Variants in CACUL1 observed in about 807,000 individuals in gnomAD.
CACUL1 encodes CDK2-associated and cullin domain-containing protein 1.
A neutral mutation model predicts 45.2 loss-of-function variants in CACUL1; 13 were observed. That is an observed-to-expected ratio of 0.29 (90% CI 0.19 to 0.46). The LOEUF (loss-of-function observed/expected upper bound fraction) is 0.46. CACUL1 is among the 20% of genes least tolerant of loss of function. The pLI, the probability that CACUL1 is intolerant of heterozygous loss-of-function variation, is 1.00. For missense variants in CACUL1, 421 were observed against 471.4 expected, an observed-to-expected ratio of 0.89 and a Z score of 0.99; for synonymous variants, 197 against 174.2, an observed-to-expected ratio of 1.13 and a Z score of -1.03.
chr10:118,712,905 AG>A (rs1158884425), intron 3 of CACUL1, among the ~76,000 whole-genome samples: 1 of 152,234 alleles, frequency 6.6e-6, no homozygotes, highest in Non-Finnish European at 1.5e-5. Flanking sequence ...TCCAGTCTGT[AG>A]GACTGGCAGC....
chr10:118,734,137 C>T (rs1434092950), intron 1 of CACUL1, among the ~76,000 whole-genome samples: 1 of 152,198 alleles, frequency 6.6e-6, no homozygotes, highest in Non-Finnish European at 1.5e-5. Flanking sequence ...AGGAGATCTG[C>T]AAGGCTGCCT....
At chr10:118,722,080 C>CTTTTTTTTTTTTT (rs11358147) in intron 3 of CACUL1, among the ~76,000 whole-genome samples, 4 of 140,518 alleles carry the variant, frequency 2.8e-5, no homozygotes, top group Non-Finnish European at 4.6e-5. Flanking sequence ...CAGAAACAAA[C>CTTTTTTTTTTTTT]TTTTTTTTTT....
Position 118,754,591 on chromosome 10 carries a change from G to C in CACUL1, c.172C>G (p.Leu58Val). Residue 58 changes from leucine (L) to valine (V), a missense_variant, in exon 1 of 9, where the codon CTG (leucine) becomes GTG (valine). Transcript: ENST00000369151. ...PAREPPGGQL[L>V]AVPAVSVDRK... is the part of the protein sequence containing the mutation. The stretch of plus-strand genomic sequence containing the variant: ...TCCACGGAGACCGCGGGCACCGCCA[G>C]CAGCTGCCCCCCCGGAGGCTCTCGG... 1 of 1,609,180 alleles carries C rather than the reference G, an allele frequency of 6.2e-7. No homozygotes were observed. The highest frequency in any genetic ancestry group is 8.5e-7 in the Non-Finnish European group (1 of 1,177,996).
At chr10:118,707,954 C>T (rs1485308617) in intron 3 of CACUL1, among the ~76,000 whole-genome samples, 1 of 151,960 alleles carries the variant, frequency 6.6e-6, no homozygotes. Flanking sequence ...TCAAGACCAG[C>T]CTGGTCAACA....
Position 118,707,488 on chromosome 10 carries a change from T to G in CACUL1, c.693+4A>C. The stretch of plus-strand genomic sequence containing the variant: ...TTGGGAAGGAGGAAGGAGCTCTTAC[T>G]TACCATATATATGAAAAGAGGCACA... On this transcript the variant is annotated splice_donor_region_variant and intron_variant, in intron 4 of 8. Coordinates refer to ENST00000369151, the MANE Select transcript of CACUL1 (RefSeq NM_153810.5). 1.4e-6 allele frequency: 2 copies of G among 1,393,422 alleles called. No homozygotes were observed. The highest frequency in any genetic ancestry group is 2.3e-5 in the South Asian group (2 of 86,270). The allele number at this position is 1,393,422 out of a possible 1,614,324, so 86.3% of individuals were successfully genotyped here.
In CACUL1 at chr10:118,747,590, A is replaced by C. The variant is rs192612062; in HGVS notation, c.367+6806T>G. ...ATATCCAAAAAAAAAAAAAACTACT[A>C]CTCCTCAGTCAGAAAAATGAATAAG... On this transcript the variant is annotated intron_variant, in intron 1 of 8. Transcript: ENST00000369151. Among the ~76,000 whole-genome samples the C allele has an allele frequency of 1.5e-3, 223 of 150,956 alleles. 1 individual carries two copies. The highest frequency in any genetic ancestry group is 3.0e-3 in the Admixed American group (46 of 15,136).
Position 118,754,931 on chromosome 10 carries a change from T to C in CACUL1, c.-169A>G. Reference sequence around the variant, plus strand: ...CTCGCTCTCCGCGGGGCCGACTAGCTTGAAGACGCGGCTGACGGCGGTGGG... The same window carrying C: ...CTCGCTCTCCGCGGGGCCGACTAGCCTGAAGACGCGGCTGACGGCGGTGGG... On this transcript the variant is annotated 5_prime_UTR_variant, in exon 1 of 9. Coordinates refer to ENST00000369151, the MANE Select transcript of CACUL1 (RefSeq NM_153810.5). The C allele has an allele frequency of 1.1e-6, 1 of 912,404 alleles. No homozygotes were observed. 56.5% of individuals were successfully genotyped at this position (912,404 alleles called of 1,614,324 possible). A position where few individuals can be genotyped will look rare whatever the true frequency, so the allele number is the denominator to read the frequency against.
At chr10:118,747,793 A>G (rs893198344) in intron 1 of CACUL1, among the ~76,000 whole-genome samples, 1 of 152,130 alleles carries the variant, frequency 6.6e-6, no homozygotes, top group African/African-American at 2.4e-5. Context: ...CTGCAAAGAG[A>G]CACAGGGAAG....
intron 3 of CACUL1, among the ~76,000 whole-genome samples, chr10:118,726,811 G>T (rs959102260): frequency 2.0e-5 from 3 of 151,938 alleles, no homozygotes; most frequent in African/African-American, 7.3e-5. Flanking sequence ...TCATTTTAAT[G>T]TCAAGAAAAT....
At chr10:118,691,593 T>G (rs1206354445) in intron 6 of CACUL1, 190 bp from the exon 7 acceptor site, 2 of 515,276 alleles carry the variant, frequency 3.9e-6, no homozygotes, top group African/African-American at 3.9e-5. Flanking sequence ...ACAGGCCGGG[T>G]GCGGCGGCTC....
At chr10:118,726,962 A>G (rs1405295058) in intron 3 of CACUL1, among the ~76,000 whole-genome samples, 2 of 152,234 alleles carry the variant, frequency 1.3e-5, no homozygotes, top group African/African-American at 4.8e-5. Flanking sequence ...AATCGTTATA[A>G]TCTTATAAAA....
intron 4 of CACUL1, among the ~76,000 whole-genome samples, chr10:118,702,323 G>A (rs569744621): frequency 1.9e-4 from 29 of 152,250 alleles, no homozygotes; most frequent in African/African-American, 6.0e-4. Flanking sequence ...AAGCCTGTTG[G>A]TGGTCTCTTC....
At chr10:118,698,438 C>T (rs1845345116) in intron 5 of CACUL1, among the ~76,000 whole-genome samples, 2 of 152,184 alleles carry the variant, frequency 1.3e-5, no homozygotes, top group African/African-American at 2.4e-5. Context: ...GCCATCGCGC[C>T]CAGCCGACAT....
chr10:118,750,374 G>T (rs917943002), intron 1 of CACUL1, among the ~76,000 whole-genome samples: 3 of 152,056 alleles, frequency 2.0e-5, no homozygotes, highest in African/African-American at 7.2e-5. Flanking sequence ...TCATGGGTCT[G>T]TTTGGCCAGA....
chr10:118,738,407 C>T (rs550794660), intron 1 of CACUL1, among the ~76,000 whole-genome samples: 91 of 152,284 alleles, frequency 6.0e-4, no homozygotes, highest in African/African-American at 2.1e-3. Context: ...GCTCAAACAT[C>T]TAGACCCACT....
chr10:118,706,426 G>A (rs770675606), intron 4 of CACUL1, among the ~76,000 whole-genome samples: 1 of 152,172 alleles, frequency 6.6e-6, no homozygotes, highest in Admixed American at 6.5e-5. Flanking sequence ...AGGACATTTA[G>A]TTAACACACT....
rs572173441 is a variant in CACUL1 at position 118,685,944 on chromosome 10, G to GT, written c.*183dup. 24,680 of 322,494 alleles carry GT rather than the reference G, an allele frequency of 0.077. 5 individuals are homozygous for GT. Among genetic ancestry groups the GT allele is most frequent in the East Asian group, 0.11 (2,314 of 21,116 alleles). The allele number at this position is 322,494 out of a possible 1,614,324, so 20.0% of individuals were successfully genotyped here. On this transcript the variant is annotated 3_prime_UTR_variant, in exon 9 of 9. Coordinates refer to ENST00000369151, the MANE Select transcript of CACUL1 (RefSeq NM_153810.5). ...AATCACCCCCAAGTCTAGCAGCAACGTTTTTTTTTTTTTTAGTTTTTGTTT... is the reference window on the plus strand; with the variant it reads ...AATCACCCCCAAGTCTAGCAGCAACGTTTTTTTTTTTTTTTAGTTTTTGTTT...
Position 118,678,509 on chromosome 10 carries a change from G to T in CACUL1, c.*7619C>A, listed in dbSNP as rs574187685. On this transcript the variant is annotated 3_prime_UTR_variant, in exon 9 of 9. Coordinates refer to ENST00000369151, the MANE Select transcript of CACUL1 (RefSeq NM_153810.5). ...ACGAATCAAATTGTCAGGTTCCACA[G>T]TGAAAATCATTGGGAATTTTTTTGG... 6.6e-6 allele frequency: 1 copy of T among 152,130 alleles called. No homozygotes were observed. Among genetic ancestry groups the T allele is most frequent in the African/African-American group, 2.4e-5 (1 of 41,422 alleles). 9.4% of individuals were successfully genotyped at this position (152,130 alleles called of 1,614,324 possible).
At chr10:118,738,387 C>T (rs903520305) in intron 1 of CACUL1, among the ~76,000 whole-genome samples, 1 of 152,136 alleles carries the variant, frequency 6.6e-6, no homozygotes, top group African/African-American at 2.4e-5. Flanking sequence ...CAGAAGTCAG[C>T]GTAAGAAATG....
Sources: gnomAD v4.1 joint callset for allele counts (sites outside exome capture counted in the v4.1 genomes callset) on GRCh38, gnomAD v4.1.1 for gene constraint, MANE v1.5 for transcripts, NCBI Gene and HGNC (gene_info 2026-07-23, HGNC 2026-07-21) for gene names.